The following TBC1D9B variants were observed in gnomAD, a reference collection of about 807,000 sequenced individuals.
TBC1D9B encodes TBC1 domain family member 9B, also known as TBC1 domain family, member 9B (with GRAM domain).
A neutral mutation model predicts 121.1 loss-of-function variants in TBC1D9B; 87 were observed. That is an observed-to-expected ratio of 0.72 (90% CI 0.60 to 0.86). The LOEUF (loss-of-function observed/expected upper bound fraction) is 0.86. Ranked by LOEUF, TBC1D9B falls within the 40% of genes least tolerant of loss-of-function variation. TBC1D9B has a pLI of 0.00. For synonymous variants in TBC1D9B, 668 were observed against 670.1 expected (o/e 1.00, Z 0.05); for missense variants, 1,540 against 1,628.6 (o/e 0.95, Z 0.94).
At position 179,865,118 on chromosome 5, in the gene TBC1D9B, G is replaced by A. The variant is rs1282218131; in HGVS notation, c.3021+136C>T. 1 of 774,426 alleles carries A rather than the reference G, an allele frequency of 1.3e-6. No individual in the cohort carries two copies. The highest frequency in any genetic ancestry group is 1.7e-5 in the African/African-American group (1 of 58,192). 48.0% of individuals were successfully genotyped at this position (774,426 alleles called of 1,614,324 possible). On this transcript the variant is annotated intron_variant, in intron 20 of 20. Coordinates refer to ENST00000355235, the MANE Select transcript of TBC1D9B (RefSeq NM_015043.4). The surrounding 1 kb of genome is among the most constrained non-coding windows in gnomAD (Gnocchi z 5.1). The stretch of plus-strand genomic sequence containing the variant: ...GGAATCATCGCTGACTGGCAACCAG[G>A]ACTAACGGGCTCTAGAGGCAGGGAG...
chr5:179,862,295 G>A lies in TBC1D9B; in HGVS notation c.*1153C>T, dbSNP rs1759865470. 2 of 283,858 alleles carry A rather than the reference G, an allele frequency of 7.0e-6. No homozygotes were observed. Among genetic ancestry groups the A allele is most frequent in the Admixed American group, 3.9e-5 (1 of 25,390 alleles). The allele number at this position is 283,858 out of a possible 1,614,324, so 17.6% of individuals were successfully genotyped here. On this transcript the variant is annotated 3_prime_UTR_variant, in exon 21 of 21. Coordinates refer to ENST00000355235, the MANE Select transcript of TBC1D9B (RefSeq NM_015043.4). ...GCTGTATCTTTTAGTAGAAGCAAGA[G>A]CAGCCCCATGTGGGGGCTAACACTG...
chr5:179,878,007 G>C (rs1760408490), intron 10 of TBC1D9B, among the ~76,000 whole-genome samples: 1 of 152,196 alleles, frequency 6.6e-6, no homozygotes, highest in Non-Finnish European at 1.5e-5. Flanking sequence ...TTAGAGCACT[G>C]AGCTGCACGC....
rs116860361 is a variant in TBC1D9B, at chr5:179,901,421, A to G, written c.230-2114T>C. Reference sequence around the variant, plus strand: ...TGTATTATTTTCTGTTACACATAACATTCCTAGAAAACTAAAACAGAAGAA... The same window carrying G: ...TGTATTATTTTCTGTTACACATAACGTTCCTAGAAAACTAAAACAGAAGAA... On this transcript the variant is annotated intron_variant, in intron 2 of 20. Transcript: ENST00000355235. Among the ~76,000 whole-genome samples the G allele has an allele frequency of 2.9e-4, 44 of 152,320 alleles. No individual in the cohort carries two copies. The East Asian group carries it at 6.8e-3, about 23-fold the overall frequency.
At position 179,904,225 on chromosome 5, in the gene TBC1D9B, T is replaced by TTTTC. The variant is rs1761241666; in HGVS notation, c.229+476_229+477insGAAA. 7.0e-6 allele frequency among the ~76,000 whole-genome samples: 1 copy of TTTTC among 143,114 alleles called. No individual in the cohort carries two copies. The highest frequency in any genetic ancestry group is 2.7e-5 in the African/African-American group (1 of 37,462). 93.9% of individuals were successfully genotyped at this position (143,114 alleles called of 152,430 possible). A position where few individuals can be genotyped will look rare whatever the true frequency, so the allele number is the denominator to read the frequency against. ...CCCATGACCAGTGGAGCTGCCTTTT[T>TTTTC]TTTTTTTTTTTTTTTTTGAGACGGA... On this transcript the variant is annotated intron_variant, in intron 2 of 20. Transcript: ENST00000355235. This position sits in a 1 kb window ranked among gnomAD's most constrained non-coding sequence, Gnocchi z 4.2.
chr5:179,879,180 T>C lies in TBC1D9B; in HGVS notation c.1434A>G (p.Lys478=), dbSNP rs1437699924. The change falls in exon 9 of 21, where the codon AAA becomes AAG. Residue 478 remains lysine (K), a synonymous_variant. Coordinates refer to ENST00000355235, the MANE Select transcript of TBC1D9B (RefSeq NM_015043.4). ...LGAKGAKEKM[K]EESWHIHFFE... is the part of the protein sequence containing the mutation. ...AGAAGTGGATGTGCCATGACTCCTC[T>C]TTCATCTTCTCCTTGGCCTGAGGGA... 1.2e-6 allele frequency: 2 copies of C among 1,602,550 alleles called. No individual in the cohort carries two copies. The highest frequency in any genetic ancestry group is 1.7e-6 in the Non-Finnish European group (2 of 1,179,168).
At chr5:179,898,551 C>A (rs1277529762) in intron 3 of TBC1D9B, among the ~76,000 whole-genome samples, 1 of 152,052 alleles carries the variant, frequency 6.6e-6, no homozygotes, top group East Asian at 1.9e-4. Context: ...TGGGTTCAAG[C>A]AATTCTCCTG....
intron 17 of TBC1D9B, chr5:179,869,348 C>G (rs1316667083): frequency 2.8e-6 from 1 of 362,508 alleles, no homozygotes; most frequent in Non-Finnish European, 5.5e-6. Context: ...CACTGAGAGG[C>G]CAGAGAGAAG....
chr5:179,907,467 G>C lies in TBC1D9B; in HGVS notation c.118+237C>G, dbSNP rs915124442. 3.7e-4 allele frequency among the ~76,000 whole-genome samples: 56 copies of C among 151,492 alleles called. No homozygotes were observed. Among genetic ancestry groups the C allele is most frequent in the Admixed American group, 5.9e-4 (9 of 15,212 alleles). On this transcript the variant is annotated intron_variant, in intron 1 of 20. Coordinates refer to ENST00000355235, the MANE Select transcript of TBC1D9B (RefSeq NM_015043.4). The surrounding 1 kb of genome is among the most constrained non-coding windows in gnomAD (Gnocchi z 5.3). The stretch of plus-strand genomic sequence containing the variant: ...CTTGGCCGCCCCAAGCCGACCTGAG[G>C]AGAGCCCGCCGAGGGCGCATTCGCC...
In TBC1D9B at chr5:179,904,319, G is replaced by A. The variant is rs1032643080; in HGVS notation, c.229+383C>T. On this transcript the variant is annotated intron_variant, in intron 2 of 20. Transcript: ENST00000355235. This position sits in a 1 kb window ranked among gnomAD's most constrained non-coding sequence, Gnocchi z 4.2. Reference sequence around the variant, plus strand: ...GGCTCACTGCAAGCTCCGCCTCCCGGGTTCACGCCATTCTCCTGCCTCAGC... The same window carrying A: ...GGCTCACTGCAAGCTCCGCCTCCCGAGTTCACGCCATTCTCCTGCCTCAGC... Among the ~76,000 whole-genome samples the A allele has an allele frequency of 6.7e-6, 1 of 148,750 alleles. No homozygotes were observed. The highest frequency in any genetic ancestry group is 2.5e-5 in the African/African-American group (1 of 39,658).
rs527861013 is a variant in TBC1D9B, at chr5:179,885,588, C to A, written c.1254+2515G>T. Among the ~76,000 whole-genome samples the A allele has an allele frequency of 2.4e-5, 3 of 124,858 alleles. No homozygotes were observed. The highest frequency in any genetic ancestry group is 4.0e-4 in the East Asian group (1 of 2,514). 81.9% of individuals were successfully genotyped at this position (124,858 alleles called of 152,430 possible). On this transcript the variant is annotated intron_variant, in intron 7 of 20. Coordinates refer to ENST00000355235, the MANE Select transcript of TBC1D9B (RefSeq NM_015043.4). The surrounding 1 kb of genome is among the most constrained non-coding windows in gnomAD (Gnocchi z 4.5). ...TAGGTGACAGAGCAAGACTCTGTCC[C>A]CCCCCCAAAAAAAAAAAGATGGAGG...
Position 179,879,102 on chromosome 5 carries a change from C to G in TBC1D9B, c.1512G>C (p.Leu504=). 3 of 1,607,594 alleles carry G rather than the reference C, an allele frequency of 1.9e-6. No individual in the cohort carries two copies. Among genetic ancestry groups the G allele is most frequent in the Non-Finnish European group, 2.5e-6 (3 of 1,179,958 alleles). Residue 504 remains leucine (L), a synonymous_variant, in exon 9 of 21, where the codon CTG becomes CTC. Coordinates refer to ENST00000355235, the MANE Select transcript of TBC1D9B (RefSeq NM_015043.4). ...GGCTCTCAGGGATACCCTTCAGGACCAGTGCCCGCGTCTTGGCTGTGCGGT... is the reference window on the plus strand; with the variant it reads ...GGCTCTCAGGGATACCCTTCAGGACGAGTGCCCGCGTCTTGGCTGTGCGGT... ...CMYRTAKTRA[L]VLKGIPESLR... is the part of the protein sequence containing the mutation.
intron 3 of TBC1D9B, 113 bp from the exon 4 acceptor site, chr5:179,894,727 C>T: frequency 4.9e-6 from 5 of 1,024,048 alleles, no homozygotes; most frequent in South Asian, 3.1e-5. Context: ...CTAAGGGCTA[C>T]AGGCACAGCT....
intron 17 of TBC1D9B, chr5:179,868,126 C>T (rs1760076618): frequency 3.8e-6 from 1 of 262,152 alleles, no homozygotes; most frequent in South Asian, 1.4e-4. Context: ...CAAGCTCCGC[C>T]TACTGGGCTA....
chr5:179,895,284 C>T (rs757325856), intron 3 of TBC1D9B, among the ~76,000 whole-genome samples: 3 of 152,232 alleles, frequency 2.0e-5, no homozygotes, highest in Non-Finnish European at 2.9e-5. Context: ...TCTTTTCTCG[C>T]TCTCTGTAGT....
chr5:179,878,548 T>C (rs1229065109), intron 9 of TBC1D9B, 25 bp from the exon 10 acceptor site: 1 of 1,567,584 alleles, frequency 6.4e-7, no homozygotes, highest in African/African-American at 1.3e-5. Flanking sequence ...GTGCCAGCTG[T>C]CTCTGTCCTT....
intron 7 of TBC1D9B, chr5:179,887,678 T>G (rs1306213764): frequency 4.9e-6 from 1 of 204,120 alleles, no homozygotes; most frequent in African/African-American, 2.4e-5. Context: ...TTGGTGATAT[T>G]AAGGAATTCT....
rs577284767 is a variant in TBC1D9B at position 179,907,563 on chromosome 5, C to A, written c.118+141G>T. ...CTCCCGGGTCCTGGCCTCGCGCCCCCGCCCCGCCGCGCGCTGGCGTGCGTG... is the reference window on the plus strand; with the variant it reads ...CTCCCGGGTCCTGGCCTCGCGCCCCAGCCCCGCCGCGCGCTGGCGTGCGTG... On this transcript the variant is annotated intron_variant, in intron 1 of 20. Coordinates refer to ENST00000355235, the MANE Select transcript of TBC1D9B (RefSeq NM_015043.4). The surrounding 1 kb of genome is among the most constrained non-coding windows in gnomAD (Gnocchi z 5.3). 3.0e-6 allele frequency: 1 copy of A among 330,582 alleles called. No individual in the cohort carries two copies. Among genetic ancestry groups the A allele is most frequent in the South Asian group, 1.1e-4 (1 of 8,786 alleles). The allele number at this position is 330,582 out of a possible 1,614,324, so 20.5% of individuals were successfully genotyped here. A position where few individuals can be genotyped will look rare whatever the true frequency, so the allele number is the denominator to read the frequency against.
At chr5:179,870,868 T>C (rs1305441946) in intron 15 of TBC1D9B, among the ~76,000 whole-genome samples, 1 of 152,138 alleles carries the variant, frequency 6.6e-6, no homozygotes, top group Non-Finnish European at 1.5e-5. Context: ...GTTGTGACGC[T>C]AGGGCCACAG....
In TBC1D9B at chr5:179,875,235, G is replaced by T; in HGVS notation, c.1901-48C>A. On this transcript the variant is annotated intron_variant, in intron 11 of 20. Coordinates refer to ENST00000355235, the MANE Select transcript of TBC1D9B (RefSeq NM_015043.4). The surrounding 1 kb of genome is among the most constrained non-coding windows in gnomAD (Gnocchi z 4.5). ...TGATGGTGAGCCCACCCTGTGGCCT[G>T]GGTGGGCCCTCACCTGCAGCGTACG... is the stretch of plus-strand genomic sequence containing the variant. 1 of 1,591,676 alleles carries T rather than the reference G, an allele frequency of 6.3e-7. No individual in the cohort carries two copies. Among genetic ancestry groups the T allele is most frequent in the South Asian group, 1.1e-5 (1 of 88,824 alleles).
Sources: allele counts gnomAD v4.1 joint callset (sites outside exome capture counted in the v4.1 genomes callset), GRCh38; gene constraint gnomAD v4.1.1; non-coding constraint Gnocchi (gnomAD v3.1); transcripts MANE v1.5; gene names NCBI Gene and HGNC (gene_info 2026-07-23, HGNC 2026-07-21).